The following FAM234A variants were observed in gnomAD, a reference collection of about 807,000 sequenced individuals.
FAM234A encodes family with sequence similarity 234 member A, also known as protein FAM234A.
In FAM234A, 42 loss-of-function variants were observed where a neutral mutation model predicts 49.1. That is an observed-to-expected ratio of 0.86 (90% CI 0.67 to 1.11). The LOEUF (loss-of-function observed/expected upper bound fraction) is 1.11. Ranked by LOEUF, FAM234A falls within the 50% of genes least tolerant of loss-of-function variation. The probability of loss-of-function intolerance (pLI) is 0.00; values close to 1 mark genes in which losing one functional copy is unlikely to be tolerated. For missense variants in FAM234A, 815 were observed against 745.2 expected (o/e 1.09, Z -1.09); for synonymous variants, 369 against 316.2 (o/e 1.17, Z -1.77).
chr16:242,586 C>G (rs1162292170), intron 1 of FAM234A, among the ~76,000 whole-genome samples: 2 of 149,468 alleles, frequency 1.3e-5, no homozygotes, highest in Non-Finnish European at 3.0e-5. Flanking sequence ...ATCTTTCTTT[C>G]TTCAAGTTAT....
chr16:262,107 C>T lies in FAM234A; in HGVS notation c.723C>T (p.Leu241=), dbSNP rs1186603732. The change falls in exon 7 of 13, where the codon CTC becomes CTT. Residue 241 remains leucine, a synonymous_variant. Transcript: ENST00000399932. ...TGTCATTGCAGGTTAGTGGCCACCT[C>T]TACTCCGGCAGCACCGGGCACCAGA... is the stretch of plus-strand genomic sequence containing the variant. ...TQEREEVSGH[L]YSGSTGHQIG... The T allele has an allele frequency of 1.2e-6, 2 of 1,613,904 alleles. No individual in the cohort carries two copies. Among genetic ancestry groups the T allele is most frequent in the Admixed American group, 1.7e-5 (1 of 60,000 alleles).
chr16:269,474 G>T, downstream of FAM234A: 1 of 1,607,784 alleles, frequency 6.2e-7, no homozygotes, highest in East Asian at 2.2e-5. Flanking sequence ...GGCCACAGCC[G>T]CCGGCCACAG....
rs140353414 is a variant in FAM234A, at chr16:259,706, T to C, written c.385+107T>C. ...GTTTGGGGGAAGCAGATGGTGGTGT[T>C]TCTGGAACCCATCTCGTCATCCTTC... On this transcript the variant is annotated intron_variant, in intron 4 of 12. Transcript: ENST00000399932. 2.3e-4 allele frequency: 183 copies of C among 790,804 alleles called. 1 individual carries two copies. In the African/African-American group the frequency reaches 2.6e-3, roughly 11 times the overall value. The allele number at this position is 790,804 out of a possible 1,614,324, so 49.0% of individuals were successfully genotyped here. A position where few individuals can be genotyped will look rare whatever the true frequency, so the allele number is the denominator to read the frequency against.
At chr16:245,815 T>C (rs759587014) in intron 1 of FAM234A, among the ~76,000 whole-genome samples, 2 of 152,240 alleles carry the variant, frequency 1.3e-5, no homozygotes, top group African/African-American at 2.4e-5. Context: ...TTTTTCTTAA[T>C]GATTTCCACC....
rs375518508 is a variant in FAM234A, at chr16:263,340, C to T, written c.1050C>T (p.Phe350=). ...TGCTTCTTGTGGGCTCAGAGGCCTT[C>T]GTGCTGCTGGACGGGCAGGAGCTGA... ...ADVLLVGSEA[F]VLLDGQELTP... is the part of the protein sequence containing the mutation. Residue 350 remains phenylalanine (F), a synonymous_variant, in exon 9 of 13, where the codon TTC becomes TTT. Coordinates refer to ENST00000399932, the MANE Select transcript of FAM234A (RefSeq NM_032039.4). The T allele has an allele frequency of 4.0e-5, 65 of 1,612,932 alleles. No individual in the cohort carries two copies. Among genetic ancestry groups the T allele is most frequent in the Non-Finnish European group, 5.2e-5 (61 of 1,180,016 alleles).
chr16:241,032 A>G (rs2050593479), intron 1 of FAM234A, among the ~76,000 whole-genome samples: 1 of 151,804 alleles, frequency 6.6e-6, no homozygotes, highest in South Asian at 2.1e-4. Flanking sequence ...GCTCAAGGGA[A>G]CCTCAGTCTC....
intron 2 of FAM234A, among the ~76,000 whole-genome samples, chr16:253,109 G>T (rs2051086245): frequency 6.6e-6 from 1 of 152,240 alleles, no homozygotes; most frequent in African/African-American, 2.4e-5. Context: ...AGGCTGGGTG[G>T]TGGTGGTTGG....
At chr16:258,030 G>C (rs1390307345) in intron 3 of FAM234A, among the ~76,000 whole-genome samples, 1 of 151,768 alleles carries the variant, frequency 6.6e-6, no homozygotes, top group Non-Finnish European at 1.5e-5. Context: ...GCTAATTTCT[G>C]TATTTTTAGT....
intron 1 of FAM234A, among the ~76,000 whole-genome samples, chr16:241,339 CGGGAGGCAGAGGT>C (rs2050605417): frequency 6.6e-6 from 1 of 151,516 alleles, no homozygotes; most frequent in South Asian, 2.1e-4. Flanking sequence ...TCTAGCACTT[CGGGAGGCAGAGGT>C]GGGAGGATCA....
rs976460063 is a variant in FAM234A, at chr16:265,857, G to A, written c.*835G>A. The A allele has an allele frequency of 1.8e-5, 18 of 985,846 alleles. No homozygotes were observed. The Admixed American group carries it at 1.8e-4, about 10-fold the overall frequency. The allele number at this position is 985,846 out of a possible 1,614,324, so 61.1% of individuals were successfully genotyped here. A position where few individuals can be genotyped will look rare whatever the true frequency, so the allele number is the denominator to read the frequency against. Reference sequence around the variant, plus strand: ...GCTGCTCTGTCCCTGAAGAGGCCCCGTGCCCCAGGCATGGCAAGCGCCTGC... The same window carrying A: ...GCTGCTCTGTCCCTGAAGAGGCCCCATGCCCCAGGCATGGCAAGCGCCTGC... On this transcript the variant is annotated 3_prime_UTR_variant, in exon 13 of 13. Transcript: ENST00000399932.
downstream of FAM234A, among the ~76,000 whole-genome samples, chr16:266,412 C>CT (rs1235093184): frequency 5.3e-5 from 8 of 152,208 alleles, no homozygotes; most frequent in Non-Finnish European, 1.2e-4. Context: ...CGCGTGACGT[C>CT]TGAGGGCTGG....
chr16:263,154 A>AT, intron 8 of FAM234A, 108 bp from the exon 9 acceptor site: 7 of 1,321,954 alleles, frequency 5.3e-6, no homozygotes, highest in Non-Finnish European at 7.3e-6. Context: ...GAAACGGGTT[A>AT]TGGGGGCCTA....
At chr16:239,396 G>A (rs993618881) in intron 1 of FAM234A, among the ~76,000 whole-genome samples, 2 of 150,706 alleles carry the variant, frequency 1.3e-5, no homozygotes, top group South Asian at 2.1e-4. Flanking sequence ...GGTGGATCAC[G>A]AGGTCAGGAG....
chr16:259,105 T>C (rs1396404537), intron 3 of FAM234A, among the ~76,000 whole-genome samples: 1 of 152,146 alleles, frequency 6.6e-6, no homozygotes. Flanking sequence ...GGTGTTTGAT[T>C]TTAGGGCATA....
At chr16:248,040 C>T (rs976767801) in intron 1 of FAM234A, among the ~76,000 whole-genome samples, 1 of 152,040 alleles carries the variant, frequency 6.6e-6, no homozygotes, top group Non-Finnish European at 1.5e-5. Context: ...TTTTGCGTCC[C>T]GTAATGGGGC....
Position 264,077 on chromosome 16 carries a change from CT to C in FAM234A, c.1251del (p.Gly419ValfsTer79). 6.2e-7 allele frequency: 1 copy of C among 1,613,026 alleles called. No individual in the cohort carries two copies. The highest frequency in any genetic ancestry group is 8.5e-7 in the Non-Finnish European group (1 of 1,179,976). On this transcript the variant is annotated frameshift_variant, in exon 11 of 13. Transcript: ENST00000399932. LOFTEE classifies it high-confidence loss of function. ...VLCSLALPSL[P>X]GGPLSASLPT... is the part of the protein sequence containing the mutation. ...TGTAGCCTAGCCCTCCCGAGCCTCCCTGGGGGTCCACTGTCCGCCAGCCTGC... is the reference window on the plus strand; with the variant it reads ...TGTAGCCTAGCCCTCCCGAGCCTCCCGGGGGTCCACTGTCCGCCAGCCTGC...
At chr16:252,234 T>G (rs2051048042) in intron 2 of FAM234A, among the ~76,000 whole-genome samples, 4 of 142,898 alleles carry the variant, frequency 2.8e-5, no homozygotes, top group Admixed American at 1.5e-4. Flanking sequence ...CAGGCTGGAG[T>G]GCAGTGGCGC....
At chr16:246,620 C>T (rs1381929667) in intron 1 of FAM234A, among the ~76,000 whole-genome samples, 5 of 150,784 alleles carry the variant, frequency 3.3e-5, no homozygotes, top group Non-Finnish European at 5.9e-5. Context: ...GGGGTTTCAC[C>T]GTGTTAGCCA....
intron 2 of FAM234A, among the ~76,000 whole-genome samples, chr16:251,610 TCAA>T (rs2051010226): frequency 6.7e-6 from 1 of 149,388 alleles, no homozygotes; most frequent in Non-Finnish European, 1.5e-5. Flanking sequence ...ACTCCTGAGG[TCAA>T]GCACTCCACT....
Sources: gnomAD v4.1 joint callset for allele counts (sites outside exome capture counted in the v4.1 genomes callset) on GRCh38, gnomAD v4.1.1 for gene constraint, MANE v1.5 for transcripts, NCBI Gene and HGNC (gene_info 2026-07-23, HGNC 2026-07-21) for gene names.